Variants in DTNB observed in about 807,000 individuals in gnomAD.
The protein encoded by DTNB is DTN-B.
DTNB carries 63 observed loss-of-function variants against 90.7 expected under a neutral mutation model. The observed-to-expected ratio is 0.69, with a 90% CI of 0.57 to 0.86. The LOEUF (loss-of-function observed/expected upper bound fraction) is 0.86, where lower values mean the gene tolerates loss of function less well. DTNB is among the 40% of genes least tolerant of loss of function. The pLI, the probability that DTNB is intolerant of heterozygous loss-of-function variation, is 0.00. For missense variants in DTNB, 744 were observed against 807.1 expected (o/e 0.92, Z 0.95); for synonymous variants, 277 against 286.7 (o/e 0.97, Z 0.34).
chr2:25,605,052 T>A (rs2066807308), intron 5 of DTNB, among the ~76,000 whole-genome samples: 1 of 152,232 alleles, frequency 6.6e-6, no homozygotes, highest in Non-Finnish European at 1.5e-5. Flanking sequence ...GCAAGCCACA[T>A]TTTAAAGTGT....
chr2:25,544,028 A>G (rs1256502127), intron 8 of DTNB, among the ~76,000 whole-genome samples: 3 of 152,206 alleles, frequency 2.0e-5, no homozygotes, highest in Non-Finnish European at 4.4e-5. Context: ...AAAATTACTC[A>G]AGAGAAAGAA....
intron 12 of DTNB, among the ~76,000 whole-genome samples, chr2:25,443,703 A>C (rs550748333): frequency 4.8e-4 from 73 of 152,352 alleles, no homozygotes; most frequent in African/African-American, 1.6e-3. Flanking sequence ...GTGATTCCCA[A>C]GCTCACCGTA....
intron 9 of DTNB, among the ~76,000 whole-genome samples, chr2:25,487,071 T>C (rs772734555): frequency 2.0e-5 from 3 of 152,196 alleles, no homozygotes; most frequent in Non-Finnish European, 4.4e-5. Context: ...TTTTAAAGAC[T>C]TGGCAAGAAT....
intron 9 of DTNB, among the ~76,000 whole-genome samples, chr2:25,510,524 T>C (rs763299922): frequency 6.6e-6 from 1 of 152,020 alleles, no homozygotes; most frequent in Non-Finnish European, 1.5e-5. Flanking sequence ...TTTTTTTTTT[T>C]TGAGATGGAG....
At chr2:25,548,589 T>G (rs1351586114) in intron 8 of DTNB, among the ~76,000 whole-genome samples, 1 of 151,962 alleles carries the variant, frequency 6.6e-6, no homozygotes, top group Non-Finnish European at 1.5e-5. Flanking sequence ...TTGCCTGGTG[T>G]GTTGAAAGAA....
At position 25,377,384 on chromosome 2, in the gene DTNB, C is replaced by G. The variant is rs2036094137; in HGVS notation, c.*199G>C. The G allele has an allele frequency of 6.5e-6, 1 of 153,166 alleles. No homozygotes were observed. The allele number at this position is 153,166 out of a possible 1,614,324, so 9.5% of individuals were successfully genotyped here. On this transcript the variant is annotated 3_prime_UTR_variant, in exon 21 of 21. Coordinates refer to ENST00000406818, the MANE Select transcript of DTNB (RefSeq NM_021907.5). ...GCCCACTAGCTGTGCCACGCAGCCC[C>G]TCCCCGCTTCCCACCGGCTCTGGCT...
chr2:25,486,253 G>A (rs1015479205), intron 9 of DTNB, among the ~76,000 whole-genome samples: 4 of 151,906 alleles, frequency 2.6e-5, no homozygotes, highest in African/African-American at 4.8e-5. Flanking sequence ...GCTTGAGCCT[G>A]GGAGTTTGAG....
At chr2:25,625,653 T>C (rs1334397962) in intron 4 of DTNB, among the ~76,000 whole-genome samples, 1 of 151,572 alleles carries the variant, frequency 6.6e-6, no homozygotes, top group Admixed American at 6.6e-5. Context: ...TCTCTCTGTA[T>C]GTGTCTAGCT....
intron 5 of DTNB, among the ~76,000 whole-genome samples, chr2:25,597,877 A>G (rs2064969744): frequency 6.6e-6 from 1 of 152,170 alleles, no homozygotes; most frequent in Non-Finnish European, 1.5e-5. Context: ...CACATGAAAC[A>G]GAGAAGAATT....
At position 25,434,092 on chromosome 2, in the gene DTNB, T is replaced by C. The variant is rs1442746418; in HGVS notation, c.1258-97A>G. The C allele has an allele frequency of 9.9e-6, 11 of 1,109,122 alleles. No individual in the cohort carries two copies. The East Asian group carries it at 1.9e-4, about 20-fold the overall frequency. 68.7% of individuals were successfully genotyped at this position (1,109,122 alleles called of 1,614,324 possible). ...ATTTTTAAAAAAGATTTTTGACATA[T>C]AATTTACATATCATAAATCCACCCG... is the stretch of plus-strand genomic sequence containing the variant. On this transcript the variant is annotated intron_variant, in intron 12 of 20. Transcript: ENST00000406818.
chr2:25,435,063 A>C (rs2055250628), intron 12 of DTNB, among the ~76,000 whole-genome samples: 1 of 152,126 alleles, frequency 6.6e-6, no homozygotes, highest in South Asian at 2.1e-4. Context: ...CTCTGTCACC[A>C]GGCTGGACTG....
intron 4 of DTNB, among the ~76,000 whole-genome samples, chr2:25,610,715 C>CTT (rs11392863): frequency 7.3e-4 from 107 of 147,536 alleles, no homozygotes; most frequent in South Asian, 2.4e-3. Flanking sequence ...AACTTCTATC[C>CTT]TTTTTTTTTT....
intron 3 of DTNB, among the ~76,000 whole-genome samples, chr2:25,638,545 T>A (rs888040134): frequency 5.9e-5 from 9 of 152,160 alleles, no homozygotes. Flanking sequence ...CACACAGACA[T>A]ACATATACAT....
At chr2:25,423,862 T>C (rs2050654638) in intron 15 of DTNB, among the ~76,000 whole-genome samples, 1 of 151,976 alleles carries the variant, frequency 6.6e-6, no homozygotes, top group African/African-American at 2.4e-5. Flanking sequence ...GCTTCACCAC[T>C]TTGGCCAGGC....
At chr2:25,661,375 G>A (rs981402390) in intron 1 of DTNB, among the ~76,000 whole-genome samples, 24 of 152,188 alleles carry the variant, frequency 1.6e-4, no homozygotes, top group African/African-American at 5.5e-4. Context: ...ATAAGCAGGC[G>A]ATTCACAGAA....
At chr2:25,482,620 A>G (rs1008275457) in intron 10 of DTNB, among the ~76,000 whole-genome samples, 176 bp downstream of exon 10, 2 of 152,022 alleles carry the variant, frequency 1.3e-5, no homozygotes, top group African/African-American at 2.4e-5. Context: ...TCGGTGGGGG[A>G]AAAAAGGAAA....
intron 10 of DTNB, 27 bp from the exon 11 acceptor site, chr2:25,455,521 A>G: frequency 6.3e-7 from 1 of 1,579,144 alleles, no homozygotes; most frequent in Non-Finnish European, 8.6e-7. Flanking sequence ...CAAAGACAGC[A>G]AGCGTGACAC....
intron 16 of DTNB, among the ~76,000 whole-genome samples, chr2:25,413,389 G>A (rs539550136): frequency 2.4e-4 from 36 of 151,346 alleles, no homozygotes; most frequent in African/African-American, 6.8e-4. Flanking sequence ...TACATTAGGT[G>A]TATCTCCTAA....
At chr2:25,460,907 T>G (rs1214579257) in intron 10 of DTNB, among the ~76,000 whole-genome samples, 2 of 151,686 alleles carry the variant, frequency 1.3e-5, no homozygotes, top group East Asian at 1.9e-4. Context: ...TTTTTGTTTT[T>G]TTTTTTTTGA....
Sources: allele counts gnomAD v4.1 joint callset (sites outside exome capture counted in the v4.1 genomes callset), GRCh38; gene constraint gnomAD v4.1.1; transcripts MANE v1.5; gene names NCBI Gene and HGNC (gene_info 2026-07-23, HGNC 2026-07-21).